The following ARHGAP19 variants were observed in gnomAD, a reference collection of about 807,000 sequenced individuals.
ARHGAP19 encodes the protein rho GTPase-activating protein 19.
Under a neutral mutation model 60.9 loss-of-function variants are expected in ARHGAP19, and 48 were observed. That is an observed-to-expected ratio of 0.79 (90% CI 0.62 to 1.00). The LOEUF (loss-of-function observed/expected upper bound fraction) is 1.00, where lower values mean the gene tolerates loss of function less well. Among genes scored for constraint, ARHGAP19 ranks in the 50% least tolerant of loss-of-function variants. The pLI is 0.00. For synonymous variants in ARHGAP19, 209 were observed against 215.5 expected (o/e 0.97, Z 0.27); for missense variants, 562 against 597.2 (o/e 0.94, Z 0.61).
At chr10:97,240,127 GA>G (rs869086065) in intron 8 of ARHGAP19, among the ~76,000 whole-genome samples, 4 of 149,746 alleles carry the variant, frequency 2.7e-5, no homozygotes, top group African/African-American at 9.8e-5. Context: ...TTTTAAGGGG[GA>G]AAAAAAAAAG....
At chr10:97,226,219 A>T (rs1389567377) in intron 11 of ARHGAP19, 87 bp from the exon 12 acceptor site, 1 of 1,366,422 alleles carries the variant, frequency 7.3e-7, no homozygotes, top group Non-Finnish European at 1.0e-6. Context: ...CAGGGTCTAC[A>T]CTTAATATTT....
In ARHGAP19 at chr10:97,229,767, G is replaced by A. The variant is rs538070787; in HGVS notation, c.1392C>T (p.Asn464=). The A allele has an allele frequency of 6.3e-7, 1 of 1,586,906 alleles. No homozygotes were observed. The highest frequency in any genetic ancestry group is 1.3e-5 in the African/African-American group (1 of 74,138). ...ELKGTSKENR[N]LLFSGSPAVT... ...AGTCCAAAGAACAGTGTCTTACTAA[G>A]TTCCTATTTTCTTTGCTGGTTCCCT... Residue 464 remains asparagine, a synonymous_variant, in exon 10 of 12, where the codon AAC becomes AAT. Transcript: ENST00000358531.
At chr10:97,281,543 A>G (rs568559089) in intron 1 of ARHGAP19, among the ~76,000 whole-genome samples, 7 of 152,356 alleles carry the variant, frequency 4.6e-5, no homozygotes, top group African/African-American at 1.4e-4. Context: ...CAAGAAATCG[A>G]TCACTTGTGT....
rs546344267 is a variant in ARHGAP19 at position 97,270,111 on chromosome 10, A to G, written c.57-3986T>C. 2.6e-4 allele frequency among the ~76,000 whole-genome samples: 39 copies of G among 152,158 alleles called. No individual in the cohort carries two copies. The South Asian group carries it at 4.6e-3, about 18-fold the overall frequency. On this transcript the variant is annotated intron_variant, in intron 1 of 11. Coordinates refer to ENST00000358531, the MANE Select transcript of ARHGAP19 (RefSeq NM_032900.6). ...TATAAGGAATACAAGAAAAAAAAAG[A>G]TACCTTGGATCTCCTAACACATAAG...
At chr10:97,229,060 C>CTA (rs1850952927) in intron 11 of ARHGAP19, 87 bp downstream of exon 11, 2 of 1,289,888 alleles carry the variant, frequency 1.6e-6, no homozygotes, top group Admixed American at 1.7e-5. Flanking sequence ...TACAAATGTA[C>CTA]TATCCTGGGA....
At chr10:97,279,181 C>T (rs1843053921) in intron 1 of ARHGAP19, among the ~76,000 whole-genome samples, 1 of 152,082 alleles carries the variant, frequency 6.6e-6, no homozygotes, top group African/African-American at 2.4e-5. Flanking sequence ...GAAAGCTGTA[C>T]ATAAAAAGAG....
intron 7 of ARHGAP19, among the ~76,000 whole-genome samples, chr10:97,245,369 T>C (rs552131464): frequency 6.6e-6 from 1 of 152,194 alleles, no homozygotes; most frequent in Non-Finnish European, 1.5e-5. Context: ...ATCACGCCTG[T>C]AATCCCAGCA....
chr10:97,263,129 C>T (rs1307360895), intron 4 of ARHGAP19, among the ~76,000 whole-genome samples: 1 of 152,162 alleles, frequency 6.6e-6, no homozygotes, highest in East Asian at 1.9e-4. Context: ...AAATGTTCTA[C>T]ACACTACTCG....
intron 1 of ARHGAP19, among the ~76,000 whole-genome samples, chr10:97,283,259 T>C (rs1843109393): frequency 6.6e-6 from 1 of 151,994 alleles, no homozygotes; most frequent in Non-Finnish European, 1.5e-5. Context: ...CCCTAAAAGA[T>C]GGTTAGTAAA....
At chr10:97,252,624 AAAAAATAAATAAAT>A (rs2134864442) in intron 6 of ARHGAP19, among the ~76,000 whole-genome samples, 1 of 152,258 alleles carries the variant, frequency 6.6e-6, no homozygotes, top group African/African-American at 2.4e-5. Flanking sequence ...CTCCATCTCA[AAAAAATAAATAAAT>A]AAAAATAAAA....
At chr10:97,227,385 G>C (rs1264607229) in intron 11 of ARHGAP19, among the ~76,000 whole-genome samples, 1 of 152,150 alleles carries the variant, frequency 6.6e-6, no homozygotes, top group Non-Finnish European at 1.5e-5. Context: ...GAGCAGAGCT[G>C]AGCAGTGGAA....
chr10:97,288,937 C>T (rs1016811357), intron 1 of ARHGAP19, among the ~76,000 whole-genome samples: 1 of 150,676 alleles, frequency 6.6e-6, no homozygotes, highest in Admixed American at 6.6e-5. Context: ...GCCTCAGCCT[C>T]CCGAGTAGCT....
intron 11 of ARHGAP19, among the ~76,000 whole-genome samples, chr10:97,227,263 T>G (rs867169867): frequency 6.6e-6 from 1 of 152,242 alleles, no homozygotes; most frequent in Admixed American, 6.5e-5. Flanking sequence ...ATATTCATTG[T>G]TGTATAAAAG....
intron 11 of ARHGAP19, among the ~76,000 whole-genome samples, chr10:97,228,672 C>T (rs931086476): frequency 6.6e-6 from 1 of 152,126 alleles, no homozygotes; most frequent in South Asian, 2.1e-4. Context: ...TCCTCTTTGT[C>T]CTAAATAGCC....
chr10:97,292,318 C>A (rs918054249), intron 1 of ARHGAP19, among the ~76,000 whole-genome samples: 28 of 152,364 alleles, frequency 1.8e-4, no homozygotes, highest in African/African-American at 6.7e-4. Context: ...GCTGCCACCC[C>A]CAGCTGGACG....
Position 97,243,850 on chromosome 10 carries a change from A to T in ARHGAP19, c.1185+118T>A, listed in dbSNP as rs1242491683. On this transcript the variant is annotated intron_variant, in intron 8 of 11. Transcript: ENST00000358531. ...GATCACTGTGGAGATTCCATAGACA[A>T]GCCTGATTTCTCAGCTGAACCAAAA... 6.2e-6 allele frequency: 6 copies of T among 964,882 alleles called. No individual in the cohort carries two copies. In the South Asian group the frequency reaches 7.0e-5, roughly 11 times the overall value. The allele number at this position is 964,882 out of a possible 1,614,324, so 59.8% of individuals were successfully genotyped here. A position where few individuals can be genotyped will look rare whatever the true frequency, so the allele number is the denominator to read the frequency against.
chr10:97,288,435 T>C (rs112099530), intron 1 of ARHGAP19, among the ~76,000 whole-genome samples: 13,569 of 151,618 alleles, frequency 0.089, 680 homozygotes, highest in African/African-American at 0.13. Flanking sequence ...CAGAAATTAG[T>C]TGAGCGTGCT....
chr10:97,258,533 CA>C (rs939862598), intron 5 of ARHGAP19: 61 of 146,588 alleles, frequency 4.2e-4, no homozygotes, highest in Middle Eastern at 6.8e-3. Flanking sequence ...GACTCTGTCT[CA>C]AAAAAAAAAG....
chr10:97,249,872 C>A (rs913134303), intron 6 of ARHGAP19, among the ~76,000 whole-genome samples: 1 of 147,368 alleles, frequency 6.8e-6, no homozygotes, highest in African/African-American at 2.5e-5. Flanking sequence ...AATCTCAGCT[C>A]ACTGAAAGCT....
Sources: gnomAD v4.1 joint callset for allele counts (sites outside exome capture counted in the v4.1 genomes callset) on GRCh38, gnomAD v4.1.1 for gene constraint, MANE v1.5 for transcripts, NCBI Gene and HGNC (gene_info 2026-07-23, HGNC 2026-07-21) for gene names.